ATP10D: variants seen among roughly 807,000 people sequenced by gnomAD.
ATP10D encodes phospholipid-transporting ATPase VD.
In ATP10D, 89 loss-of-function variants were observed where a neutral mutation model predicts 144.8. The ratio of observed to expected loss-of-function variants is 0.61; its 90% CI spans 0.52 to 0.73. The LOEUF (loss-of-function observed/expected upper bound fraction) is 0.73. Among genes scored for constraint, ATP10D ranks in the 30% least tolerant of loss-of-function variants. The probability of loss-of-function intolerance (pLI) is 0.00; values close to 1 mark genes in which losing one functional copy is unlikely to be tolerated. For synonymous variants in ATP10D, 571 were observed against 615.1 expected (o/e 0.93, Z 1.06); for missense variants, 1,603 against 1,714.8 (o/e 0.93, Z 1.15).
At chr4:47,522,980 CTTT>C (rs538424254) in intron 3 of ATP10D, 29 bp from the exon 4 acceptor site, 53 of 1,380,802 alleles carry the variant, frequency 3.8e-5, no homozygotes, top group Middle Eastern at 3.7e-4. Context: ...ACTTGATATT[CTTT>C]TTTTTTTTTA....
chr4:47,563,625 T>A lies in ATP10D; in HGVS notation c.2713T>A (p.Ser905Thr). Reference protein sequence around the residue: ...EDRLQEGVPESIEALHKAGIK... With the variant: ...EDRLQEGVPETIEALHKAGIK... ...CCGTCTGCAGGAGGGAGTCCCTGAA[T>A]CTATAGAAGCTCTTCACAAAGCGGG... is the stretch of plus-strand genomic sequence containing the variant. The change falls in exon 15 of 23, where the codon TCT (serine) becomes ACT (threonine). Residue 905 changes from serine (S) to threonine (T), a missense_variant. Physicochemically the swap from Ser to Thr is moderately conservative, Grantham distance 58. Coordinates refer to ENST00000273859, the MANE Select transcript of ATP10D (RefSeq NM_020453.4). 1 of 1,613,384 alleles carries A rather than the reference T, an allele frequency of 6.2e-7. No homozygotes were observed. The highest frequency in any genetic ancestry group is 1.1e-5 in the South Asian group (1 of 90,952).
intron 1 of ATP10D, chr4:47,491,068 G>A: frequency 2.8e-6 from 2 of 725,198 alleles, no homozygotes; most frequent in Non-Finnish European, 5.2e-6. Flanking sequence ...TCTGGGTGGA[G>A]CAGGCTGGTG....
chr4:47,523,278 C>G (rs1717061654), intron 4 of ATP10D, 62 bp downstream of exon 4: 2 of 1,282,846 alleles, frequency 1.6e-6, no homozygotes, highest in South Asian at 2.4e-5. Flanking sequence ...TGACTGAGCT[C>G]ATTTTCACAT....
rs1717316028 is a variant in ATP10D at position 47,527,568 on chromosome 4, A to G, written c.776+1926A>G. ...ATTTCCTATAGGACTTATATTCATA[A>G]TATATAAAGGAATCTCGAAACCCAG... On this transcript the variant is annotated intron_variant, in intron 5 of 22. Transcript: ENST00000273859. Among the ~76,000 whole-genome samples the G allele has an allele frequency of 2.0e-5, 3 of 152,186 alleles. No homozygotes were observed. In the South Asian group the frequency reaches 6.2e-4, roughly 31 times the overall value.
rs913116144 is a variant in ATP10D, at chr4:47,554,934, C to T, written c.1824+20C>T. 2.5e-6 allele frequency: 4 copies of T among 1,604,234 alleles called. No individual in the cohort carries two copies. In the African/African-American group the frequency reaches 4.0e-5, roughly 16 times the overall value. The stretch of plus-strand genomic sequence containing the variant: ...CAAAAGGTGAGTAAGTTCTCTAATG[C>T]AAACAAGGGTCACTTTCCAGAAGAG... On this transcript the variant is annotated intron_variant, in intron 11 of 22. Coordinates refer to ENST00000273859, the MANE Select transcript of ATP10D (RefSeq NM_020453.4).
intron 16 of ATP10D, among the ~76,000 whole-genome samples, chr4:47,569,990 C>T (rs1719866973): frequency 6.6e-6 from 1 of 152,168 alleles, no homozygotes; most frequent in African/African-American, 2.4e-5. Context: ...AGGGCCAGAT[C>T]ACATAGGGTC....
At chr4:47,521,839 C>T (rs910738162) in intron 3 of ATP10D, among the ~76,000 whole-genome samples, 5 of 152,180 alleles carry the variant, frequency 3.3e-5, no homozygotes, top group Admixed American at 2.0e-4. Context: ...CCAATAAACC[C>T]TTCAGATAAT....
At chr4:47,575,189 G>A (rs1019472820) in intron 18 of ATP10D, among the ~76,000 whole-genome samples, 4 of 152,082 alleles carry the variant, frequency 2.6e-5, no homozygotes, top group Non-Finnish European at 4.4e-5. Context: ...TACAGAGGAG[G>A]AAATAATAAT....
In ATP10D at chr4:47,558,065, C is replaced by T. The variant is rs1474512541; in HGVS notation, c.2226C>T (p.Cys742=). The T allele has an allele frequency of 1.2e-6, 2 of 1,614,226 alleles. No homozygotes were observed. Among genetic ancestry groups the T allele is most frequent in the East Asian group, 2.2e-5 (1 of 44,888 alleles). ...ALVYAARAYQ[C]TLRSRTPEQV... Reference sequence around the variant, plus strand: ...TGTATGCCGCCAGGGCTTACCAATGCACTTTACGGTCTCGGACACCAGAGC... The same window carrying T: ...TGTATGCCGCCAGGGCTTACCAATGTACTTTACGGTCTCGGACACCAGAGC... Residue 742 remains cysteine, a synonymous_variant, in exon 12 of 23, where the codon TGC becomes TGT. Coordinates refer to ENST00000273859, the MANE Select transcript of ATP10D (RefSeq NM_020453.4).
intron 19 of ATP10D, among the ~76,000 whole-genome samples, chr4:47,580,108 G>A (rs1720435003): frequency 6.6e-6 from 1 of 152,228 alleles, no homozygotes; most frequent in African/African-American, 2.4e-5. Flanking sequence ...TTTCTGATCA[G>A]TAGGAAAGGA....
chr4:47,590,372 G>A (rs1720972154), intron 22 of ATP10D, among the ~76,000 whole-genome samples: 1 of 152,130 alleles, frequency 6.6e-6, no homozygotes, highest in Non-Finnish European at 1.5e-5. Flanking sequence ...TTGACTGTTA[G>A]TAGTATGCTC....
intron 5 of ATP10D, among the ~76,000 whole-genome samples, chr4:47,526,212 C>G (rs778928621): frequency 6.6e-6 from 1 of 152,158 alleles, no homozygotes; most frequent in Non-Finnish European, 1.5e-5. Flanking sequence ...TATATTATGA[C>G]CCAGTGGGAC....
intron 3 of ATP10D, among the ~76,000 whole-genome samples, chr4:47,520,459 G>T (rs924533141): frequency 5.3e-5 from 8 of 151,994 alleles, no homozygotes; most frequent in African/African-American, 1.9e-4. Context: ...CAGTTCGCTC[G>T]TCTTTACTGT....
Position 47,554,914 on chromosome 4 carries a change from G to A in ATP10D, c.1824G>A (p.Lys608=). The A allele has an allele frequency of 1.2e-6, 2 of 1,613,018 alleles. No homozygotes were observed. The highest frequency in any genetic ancestry group is 1.7e-6 in the Non-Finnish European group (2 of 1,179,338). The part of the protein sequence containing the change: ...VVSAPNQPRQ[K]IRHPSLGGLP... ...CTGCTCCTAACCAACCCCGACAAAAGGTGAGTAAGTTCTCTAATGCAAACA... is the reference window on the plus strand; with the variant it reads ...CTGCTCCTAACCAACCCCGACAAAAAGTGAGTAAGTTCTCTAATGCAAACA... The change falls in exon 11 of 23, where the codon AAG becomes AAA. Residue 608 remains lysine, a splice_region_variant and synonymous_variant. Transcript: ENST00000273859.
intron 1 of ATP10D, among the ~76,000 whole-genome samples, chr4:47,489,135 C>T (rs974356875): frequency 1.3e-5 from 2 of 152,060 alleles, no homozygotes; most frequent in African/African-American, 2.4e-5. Flanking sequence ...GAGCAATTCG[C>T]AAAAGACAAA....
intron 5 of ATP10D, among the ~76,000 whole-genome samples, chr4:47,533,028 G>T: frequency 6.6e-6 from 1 of 152,146 alleles, no homozygotes. Flanking sequence ...TTTGGAATTT[G>T]CAGTAAGTGC....
In ATP10D at chr4:47,568,964, G is replaced by C. The variant is rs147568390; in HGVS notation, c.2981G>C (p.Arg994Pro). ...CCTGTCCCCCGGGACTCAGGGTTAC[G>C]AGCTGGACTCATTATCACTGGGAAG... ...QPPVPRDSGL[R>P]AGLIITGKTL... The change falls in exon 16 of 23, where the codon CGA becomes CCA. Residue 994 changes from arginine to proline, a missense_variant. Coordinates refer to ENST00000273859, the MANE Select transcript of ATP10D (RefSeq NM_020453.4). 1.9e-6 allele frequency: 3 copies of C among 1,614,020 alleles called. No individual in the cohort carries two copies. The highest frequency in any genetic ancestry group is 1.3e-5 in the African/African-American group (1 of 74,902).
At chr4:47,586,366 T>A (rs1720792712) in intron 21 of ATP10D, among the ~76,000 whole-genome samples, 1 of 152,256 alleles carries the variant, frequency 6.6e-6, no homozygotes, top group South Asian at 2.1e-4. Context: ...AGTTGGCTGA[T>A]ATTCCAGACA....
At chr4:47,521,973 T>A (rs1271290156) in intron 3 of ATP10D, among the ~76,000 whole-genome samples, 1 of 152,246 alleles carries the variant, frequency 6.6e-6, no homozygotes, top group African/African-American at 2.4e-5. Flanking sequence ...TGGCAGAATT[T>A]GTTAAAGTAT....
Sources: gnomAD v4.1 joint callset for allele counts (sites outside exome capture counted in the v4.1 genomes callset) on GRCh38, gnomAD v4.1.1 for gene constraint, MANE v1.5 for transcripts, NCBI Gene and HGNC (gene_info 2026-07-23, HGNC 2026-07-21) for gene names.